SLC36A2: variants seen among roughly 807,000 people sequenced by gnomAD.
SLC36A2 encodes proton-coupled amino acid transporter 2.
In SLC36A2, 39 loss-of-function variants were observed where a neutral mutation model predicts 42.7. The observed-to-expected ratio is 0.91, with a 90% CI of 0.71 to 1.19. The LOEUF (loss-of-function observed/expected upper bound fraction) is 1.19, where lower values mean the gene tolerates loss of function less well. Ranked by LOEUF, SLC36A2 falls within the 50% of genes most tolerant of loss-of-function variation. The pLI, the probability that SLC36A2 is intolerant of heterozygous loss-of-function variation, is 0.00. For synonymous variants in SLC36A2, 237 were observed against 240.8 expected, an observed-to-expected ratio of 0.98 and a Z score of 0.15; for missense variants, 590 against 613.7, an observed-to-expected ratio of 0.96 and a Z score of 0.41.
chr5:151,317,593 C>A (rs1755540868), intron 9 of SLC36A2, among the ~76,000 whole-genome samples: 1 of 151,866 alleles, frequency 6.6e-6, no homozygotes, highest in South Asian at 2.1e-4. Flanking sequence ...TTCAGCCAGG[C>A]ATAGTGGCAC....
rs1755501131 is a variant in SLC36A2, at chr5:151,316,714, T to G, written c.*103A>C. 2 of 1,368,398 alleles carry G rather than the reference T, an allele frequency of 1.5e-6. No homozygotes were observed. The highest frequency in any genetic ancestry group is 1.9e-6 in the Non-Finnish European group (2 of 1,035,402). 84.8% of individuals were successfully genotyped at this position (1,368,398 alleles called of 1,614,324 possible). On this transcript the variant is annotated 3_prime_UTR_variant, in exon 10 of 10. Coordinates refer to ENST00000335244, the MANE Select transcript of SLC36A2 (RefSeq NM_181776.3). ...GAGATCGCATCATTGTACTCCAGTC[T>G]GGGCAACAAGACAGAAACTCCGTCT...
chr5:151,332,179 T>C (rs779364296), intron 7 of SLC36A2, among the ~76,000 whole-genome samples: 9 of 151,990 alleles, frequency 5.9e-5, no homozygotes, highest in Non-Finnish European at 1.3e-4. Context: ...ATCTCATTTT[T>C]AAGAGGAAAA....
intron 4 of SLC36A2, among the ~76,000 whole-genome samples, chr5:151,340,266 G>A (rs899535169): frequency 1.4e-5 from 2 of 147,890 alleles, no homozygotes; most frequent in African/African-American, 5.2e-5. Context: ...AGGAGGAGGT[G>A]GAAGAAGAAC....
At position 151,347,365 on chromosome 5, in the gene SLC36A2, G is replaced by T. The variant is rs2127305894; in HGVS notation, c.96C>A (p.Asn32Lys). 3 of 1,614,216 alleles carry T rather than the reference G, an allele frequency of 1.9e-6. No individual in the cohort carries two copies. The highest frequency in any genetic ancestry group is 2.5e-6 in the Non-Finnish European group (3 of 1,180,028). The change falls in exon 1 of 10, where the codon AAC (asparagine) becomes AAA (lysine). Residue 32 changes from asparagine (N) to lysine (K), a missense_variant. Asn to Lys is a moderately conservative substitution (Grantham distance 94). Coordinates refer to ENST00000335244, the MANE Select transcript of SLC36A2 (RefSeq NM_181776.3). ...TTTCATCCAAGAATGTAGAGTCCTT[G>T]TTCTCCAACTTCTTGGCACTTTCAG... ...SPPESAKKLE[N>K]KDSTFLDESP...
intron 5 of SLC36A2, 82 bp from the exon 6 acceptor site, chr5:151,335,629 C>G (rs1222691001): frequency 2.1e-5 from 21 of 1,002,684 alleles, no homozygotes; most frequent in Non-Finnish European, 3.4e-5. Context: ...TGCCCCTAAT[C>G]AAATTCCCTC....
intron 9 of SLC36A2, chr5:151,321,747 C>T (rs1423940327): frequency 1.9e-5 from 7 of 370,716 alleles, no homozygotes; most frequent in East Asian, 6.6e-5. Context: ...GGCACGATCT[C>T]GGCTCACTGC....
At chr5:151,346,925 C>T (rs1478114091) in intron 1 of SLC36A2, among the ~76,000 whole-genome samples, 2 of 152,180 alleles carry the variant, frequency 1.3e-5, no homozygotes, top group Non-Finnish European at 2.9e-5. Flanking sequence ...CTCACCTTCT[C>T]CTCCAAGTAG....
chr5:151,332,378 C>A (rs1471758691), intron 7 of SLC36A2: 1 of 454,966 alleles, frequency 2.2e-6, no homozygotes, highest in Admixed American at 2.4e-5. Context: ...AAATTGCCAA[C>A]AAGCAAATGA....
chr5:151,319,986 G>A (rs1240418240), intron 9 of SLC36A2, among the ~76,000 whole-genome samples: 2 of 152,034 alleles, frequency 1.3e-5, no homozygotes, highest in Admixed American at 6.6e-5. Context: ...TTTTTACATC[G>A]TATTTCGTAG....
At chr5:151,345,566 G>A (rs899007996) in intron 1 of SLC36A2, among the ~76,000 whole-genome samples, 2 of 152,172 alleles carry the variant, frequency 1.3e-5, no homozygotes, top group African/African-American at 4.8e-5. Context: ...AAAGGGGGTG[G>A]AGAGTCCCTG....
chr5:151,346,133 A>G (rs1158954208), intron 1 of SLC36A2, among the ~76,000 whole-genome samples: 1 of 152,172 alleles, frequency 6.6e-6, no homozygotes. Flanking sequence ...TGAAATTGCC[A>G]TCAAACCTTG....
Position 151,322,164 on chromosome 5 carries a change from A to G in SLC36A2, c.1062T>C (p.Tyr354=), listed in dbSNP as rs145812324. The change falls in exon 9 of 10, where the codon TAT becomes TAC. Residue 354 remains tyrosine (Y), a synonymous_variant. Transcript: ENST00000335244. ...LLYIAGILCT[Y]ALQFYVPAEI... is the part of the protein sequence containing the mutation. ...CTGCAGGGACGTAGAACTGCAGGGCATAGGTGCACAGGATGCCGGCAATGT... is the reference window on the plus strand; with the variant it reads ...CTGCAGGGACGTAGAACTGCAGGGCGTAGGTGCACAGGATGCCGGCAATGT... 2.5e-6 allele frequency: 4 copies of G among 1,614,062 alleles called. No individual in the cohort carries two copies. In the African/African-American group the frequency reaches 5.3e-5, roughly 22 times the overall value.
intron 1 of SLC36A2, 98 bp downstream of exon 1, chr5:151,347,199 C>T: frequency 6.9e-7 from 1 of 1,449,086 alleles, no homozygotes; most frequent in Non-Finnish European, 9.7e-7. Context: ...CTCATCTGCA[C>T]AGTGGGTTGA....
At chr5:151,344,078 A>C in intron 2 of SLC36A2, 99 bp downstream of exon 2, 2 of 1,117,374 alleles carry the variant, frequency 1.8e-6, no homozygotes, top group Non-Finnish European at 2.7e-6. Context: ...TGTGTCCCAG[A>C]AAGACTGCTC....
At chr5:151,345,624 C>A (rs1461168989) in intron 1 of SLC36A2, among the ~76,000 whole-genome samples, 2 of 152,168 alleles carry the variant, frequency 1.3e-5, no homozygotes, top group Non-Finnish European at 2.9e-5. Flanking sequence ...GAGCACTACA[C>A]CCTACTCGCC....
chr5:151,340,441 T>C (rs1756310637), intron 4 of SLC36A2, among the ~76,000 whole-genome samples: 1 of 152,114 alleles, frequency 6.6e-6, no homozygotes, highest in Admixed American at 6.5e-5. Flanking sequence ...ACTGTTGAGT[T>C]GTAGTAGTGG....
At chr5:151,340,214 AGGG>A (rs1756296902) in intron 4 of SLC36A2, among the ~76,000 whole-genome samples, 1 of 123,496 alleles carries the variant, frequency 8.1e-6, no homozygotes, top group African/African-American at 3.8e-5. Context: ...GAGGAGGAGG[AGGG>A]AGAGGAGGAG....
At chr5:151,331,319 C>T (rs918939964) in intron 7 of SLC36A2, among the ~76,000 whole-genome samples, 7 of 151,318 alleles carry the variant, frequency 4.6e-5, no homozygotes, top group South Asian at 2.1e-4. Flanking sequence ...GTTTTTGTTT[C>T]GTTTTGTTTT....
chr5:151,342,253 A>G (rs191323053), intron 4 of SLC36A2, among the ~76,000 whole-genome samples: 1 of 151,998 alleles, frequency 6.6e-6, no homozygotes, highest in Non-Finnish European at 1.5e-5. Context: ...CCCTCAAGCT[A>G]CCTGGTCTTG....
Sources: gnomAD v4.1 joint callset for allele counts (sites outside exome capture counted in the v4.1 genomes callset) on GRCh38, gnomAD v4.1.1 for gene constraint, MANE v1.5 for transcripts, NCBI Gene and HGNC (gene_info 2026-07-23, HGNC 2026-07-21) for gene names.